CDK14: variants seen among roughly 807,000 people sequenced by gnomAD.
The protein encoded by CDK14 is cyclin dependent kinase 14.
Under a neutral mutation model 60.7 loss-of-function variants are expected in CDK14, and 34 were observed. The ratio of observed to expected loss-of-function variants is 0.56; its 90% CI spans 0.43 to 0.75. The LOEUF is 0.75. Among genes scored for constraint, CDK14 ranks in the 30% least tolerant of loss-of-function variants. The pLI, the probability that CDK14 is intolerant of heterozygous loss-of-function variation, is 0.00. For synonymous variants in CDK14, 197 were observed against 203.7 expected (o/e 0.97, Z 0.28); for missense variants, 482 against 564.1 (o/e 0.85, Z 1.47).
intron 5 of CDK14, among the ~76,000 whole-genome samples, chr7:90,849,223 C>T (rs909661814): frequency 2.0e-5 from 3 of 150,362 alleles, no homozygotes; most frequent in Non-Finnish European, 4.4e-5. Flanking sequence ...CCCAAATCCT[C>T]TTGCTTCCCG....
chr7:90,924,400 G>T (rs1793349904), intron 8 of CDK14, among the ~76,000 whole-genome samples: 1 of 151,322 alleles, frequency 6.6e-6, no homozygotes, highest in Admixed American at 6.6e-5. Flanking sequence ...CTTGAGTTTT[G>T]GTGGGGACAA....
At chr7:90,980,432 A>G (rs1310455154) in intron 9 of CDK14, among the ~76,000 whole-genome samples, 1 of 152,176 alleles carries the variant, frequency 6.6e-6, no homozygotes, top group Non-Finnish European at 1.5e-5. Flanking sequence ...TTTTCTCAGT[A>G]AACCATTCAG....
intron 1 of CDK14, among the ~76,000 whole-genome samples, chr7:90,602,341 A>T (rs944103847): frequency 6.6e-6 from 1 of 152,196 alleles, no homozygotes; most frequent in African/African-American, 2.4e-5. Context: ...TGCTTATGTT[A>T]GACTTTGTAT....
chr7:91,120,885 T>A (rs1255147282), intron 14 of CDK14, among the ~76,000 whole-genome samples: 1 of 152,110 alleles, frequency 6.6e-6, no homozygotes, highest in Non-Finnish European at 1.5e-5. Flanking sequence ...CCCATCCAAA[T>A]GCCTCAGCAT....
rs1172593957 is a variant in CDK14 at position 90,926,205 on chromosome 7, C to T, written c.826+8481C>T. 4.6e-5 allele frequency among the ~76,000 whole-genome samples: 7 copies of T among 152,160 alleles called. No individual in the cohort carries two copies. In the South Asian group the frequency reaches 1.5e-3, roughly 32 times the overall value. Reference sequence around the variant, plus strand: ...AGGAGTGCTAACTGGATGTTCAGGTCGAAGTAAGCCATGCTGGTCTGATGA... The same window carrying T: ...AGGAGTGCTAACTGGATGTTCAGGTTGAAGTAAGCCATGCTGGTCTGATGA... On this transcript the variant is annotated intron_variant, in intron 8 of 14. Coordinates refer to ENST00000380050, the MANE Select transcript of CDK14 (RefSeq NM_001287135.2).
intron 2 of CDK14, among the ~76,000 whole-genome samples, chr7:90,613,291 C>T (rs577486489): frequency 1.3e-5 from 2 of 152,302 alleles, no homozygotes; most frequent in South Asian, 2.1e-4. Flanking sequence ...GTCCTCTTTC[C>T]GTTGTGAGCA....
At chr7:90,706,578 TA>T (rs1045000173) in intron 2 of CDK14, among the ~76,000 whole-genome samples, 8 of 151,968 alleles carry the variant, frequency 5.3e-5, no homozygotes, top group Non-Finnish European at 5.9e-5. Context: ...TGTAATGTGA[TA>T]GGGGAGGGAG....
At chr7:90,827,578 G>A (rs1789769624) in intron 5 of CDK14, among the ~76,000 whole-genome samples, 1 of 152,138 alleles carries the variant, frequency 6.6e-6, no homozygotes, top group Non-Finnish European at 1.5e-5. Context: ...GAACACGGAG[G>A]GTTTAAAAGT....
At chr7:91,028,030 T>TA (rs1796649980) in intron 10 of CDK14, among the ~76,000 whole-genome samples, 2 of 141,100 alleles carry the variant, frequency 1.4e-5, no homozygotes, top group Admixed American at 7.2e-5. Flanking sequence ...GATTTTTTTT[T>TA]ATCCCTCAAC....
chr7:90,628,853 G>C (rs1799933054), intron 2 of CDK14, among the ~76,000 whole-genome samples: 1 of 151,844 alleles, frequency 6.6e-6, no homozygotes, highest in Non-Finnish European at 1.5e-5. Flanking sequence ...AGAAGAGAGA[G>C]AGACAGAGAG....
At chr7:90,943,620 AT>A (rs1794002212) in intron 8 of CDK14, among the ~76,000 whole-genome samples, 1 of 152,160 alleles carries the variant, frequency 6.6e-6, no homozygotes. Flanking sequence ...ATAGACTTGT[AT>A]TTTTATTTAC....
chr7:90,944,879 T>G (rs2117524162), intron 8 of CDK14, among the ~76,000 whole-genome samples: 1 of 152,268 alleles, frequency 6.6e-6, no homozygotes, highest in South Asian at 2.1e-4. Flanking sequence ...CAGAGGAACG[T>G]TCATTACCTG....
At chr7:90,646,354 A>G (rs1563028668) in intron 2 of CDK14, among the ~76,000 whole-genome samples, 2 of 150,274 alleles carry the variant, frequency 1.3e-5, no homozygotes, top group Admixed American at 6.7e-5. Flanking sequence ...TTCAGCGTGC[A>G]TGTGAGTATT....
chr7:90,951,409 A>G (rs764769934), intron 8 of CDK14, among the ~76,000 whole-genome samples: 1 of 152,202 alleles, frequency 6.6e-6, no homozygotes, highest in African/African-American at 2.4e-5. Context: ...TACTATTTCT[A>G]TACCGTATTT....
Position 91,165,065 on chromosome 7 carries a change from A to T in CDK14, c.*29-42100A>T, listed in dbSNP as rs575188888. ...GTAGGGAAAGAAAGGTATTTTTGTG[A>T]TCGCTCTTCAGCGTTCCCTATGCGG... On this transcript the variant is annotated intron_variant, in intron 14 of 14. Transcript: ENST00000380050. Among the ~76,000 whole-genome samples, 217 of 152,246 alleles carry T rather than the reference A, an allele frequency of 1.4e-3. 1 individual carries two copies. Among genetic ancestry groups the T allele is most frequent in the African/African-American group, 5.0e-3 (209 of 41,538 alleles).
chr7:91,026,369 TA>T (rs1455405786), intron 10 of CDK14, among the ~76,000 whole-genome samples: 1 of 152,182 alleles, frequency 6.6e-6, no homozygotes, highest in Non-Finnish European at 1.5e-5. Flanking sequence ...CTGAAAACAA[TA>T]AACCATCTTG....
intron 2 of CDK14, among the ~76,000 whole-genome samples, chr7:90,699,565 G>T (rs976632478): frequency 6.6e-6 from 1 of 152,100 alleles, no homozygotes; most frequent in African/African-American, 2.4e-5. Flanking sequence ...CTGACTTTAT[G>T]TTGAAGTTAG....
At chr7:91,120,272 A>G (rs560676999) in intron 14 of CDK14, among the ~76,000 whole-genome samples, 1 of 152,334 alleles carries the variant, frequency 6.6e-6, no homozygotes, top group East Asian at 1.9e-4. Flanking sequence ...TTGGGAAATC[A>G]AATCAAGCTC....
intron 10 of CDK14, among the ~76,000 whole-genome samples, chr7:91,022,755 G>C (rs905101485): frequency 3.2e-4 from 49 of 151,932 alleles, no homozygotes; most frequent in African/African-American, 1.2e-3. Context: ...TTTCATTTGT[G>C]TTCAAGATGA....
Sources: gnomAD v4.1 joint callset for allele counts (sites outside exome capture counted in the v4.1 genomes callset) on GRCh38, gnomAD v4.1.1 for gene constraint, MANE v1.5 for transcripts, NCBI Gene and HGNC (gene_info 2026-07-23, HGNC 2026-07-21) for gene names.